Variants in UGGT2 observed in about 807,000 individuals in gnomAD.
UGGT2 encodes UDP-glucose:glycoprotein glucosyltransferase 2.
A neutral mutation model predicts 192.1 loss-of-function variants in UGGT2; 180 were observed. The observed-to-expected ratio is 0.94, with a 90% CI of 0.83 to 1.06. The LOEUF (loss-of-function observed/expected upper bound fraction) is 1.06, where lower values mean the gene tolerates loss of function less well. Among genes scored for constraint, UGGT2 ranks in the 50% least tolerant of loss-of-function variants. The pLI is 0.00. For synonymous variants in UGGT2, 580 were observed against 591.0 expected (o/e 0.98, Z 0.27); for missense variants, 1,849 against 1,795.7 (o/e 1.03, Z -0.54).
intron 20 of UGGT2, among the ~76,000 whole-genome samples, chr13:95,905,143 G>T (rs993404390): frequency 1.0e-4 from 15 of 146,362 alleles, no homozygotes; most frequent in African/African-American, 3.2e-4. Flanking sequence ...TGATGGGGTT[G>T]TTTGTTTTTT....
intron 20 of UGGT2, among the ~76,000 whole-genome samples, chr13:95,925,115 G>C (rs181081435): frequency 4.3e-4 from 66 of 152,134 alleles, no homozygotes; most frequent in African/African-American, 1.4e-3. Flanking sequence ...TTTTTATCTA[G>C]ATAAACTTAT....
intron 38 of UGGT2, among the ~76,000 whole-genome samples, chr13:95,802,510 C>T (rs771266982): frequency 6.6e-6 from 1 of 152,060 alleles, no homozygotes; most frequent in Non-Finnish European, 1.5e-5. Context: ...ATAATGAGAA[C>T]GAGGGAAGTG....
At chr13:95,905,824 T>A (rs2048272000) in intron 20 of UGGT2, among the ~76,000 whole-genome samples, 1 of 152,212 alleles carries the variant, frequency 6.6e-6, no homozygotes, top group Non-Finnish European at 1.5e-5. Context: ...ACATTATCTT[T>A]AAGAAGATTT....
At chr13:96,000,984 T>C (rs545463418) in intron 5 of UGGT2, among the ~76,000 whole-genome samples, 9 of 152,332 alleles carry the variant, frequency 5.9e-5, no homozygotes, top group African/African-American at 2.2e-4. Context: ...ATAGTTATTT[T>C]GAACATAAAA....
At chr13:95,835,700 C>A (rs910429651) in intron 37 of UGGT2, among the ~76,000 whole-genome samples, 2 of 152,138 alleles carry the variant, frequency 1.3e-5, no homozygotes, top group East Asian at 3.9e-4. Context: ...CAATTTTCTA[C>A]ACTTAGCACA....
chr13:95,899,992 C>T (rs1206738625), intron 22 of UGGT2, among the ~76,000 whole-genome samples: 2 of 152,154 alleles, frequency 1.3e-5, no homozygotes, highest in South Asian at 2.1e-4. Context: ...GCCACAGATA[C>T]GTGAAAAACA....
chr13:95,861,605 T>C (rs1376464627), intron 31 of UGGT2, among the ~76,000 whole-genome samples: 1 of 152,176 alleles, frequency 6.6e-6, no homozygotes, highest in African/African-American at 2.4e-5. Context: ...ATTTACAGTA[T>C]TCATAATGTA....
At chr13:96,011,867 A>G (rs1594569633) in intron 5 of UGGT2, among the ~76,000 whole-genome samples, 1 of 152,126 alleles carries the variant, frequency 6.6e-6, no homozygotes, top group East Asian at 1.9e-4. Flanking sequence ...AGCTCAATAT[A>G]TATGAAGAAA....
At chr13:95,947,889 A>T in intron 14 of UGGT2, 107 bp downstream of exon 14, 1 of 807,810 alleles carries the variant, frequency 1.2e-6, no homozygotes, top group Non-Finnish European at 2.0e-6. Context: ...GTCAGGCACT[A>T]GAGCTAACCA....
intron 7 of UGGT2, chr13:95,995,211 C>T (rs2051580701): frequency 1.3e-5 from 2 of 151,790 alleles, no homozygotes; most frequent in African/African-American, 2.4e-5. Context: ...CAAATGAGCA[C>T]AAGTTAGGAA....
chr13:95,953,015 T>C (rs1243148503), intron 12 of UGGT2, among the ~76,000 whole-genome samples: 1 of 152,228 alleles, frequency 6.6e-6, no homozygotes, highest in Non-Finnish European at 1.5e-5. Flanking sequence ...ACTTTAAGTT[T>C]TTTAAATTTT....
chr13:95,877,721 C>T lies in UGGT2; in HGVS notation c.3364G>A (p.Asp1122Asn). The T allele has an allele frequency of 6.2e-7, 1 of 1,613,840 alleles. No homozygotes were observed. The highest frequency in any genetic ancestry group is 2.2e-5 in the East Asian group (1 of 44,832). Reference protein sequence around the residue: ...LGTKNKPAVVDTIVMAHHGYF... With the variant: ...LGTKNKPAVVNTIVMAHHGYF... ...ACATGATGTGCCATCACTATTGTAT[C>T]AACCACAGCAGGTTTATTTTTTGTG... Residue 1122 changes from aspartate (D) to asparagine (N), a missense_variant, in exon 28 of 39, where the codon GAT (aspartate) becomes AAT (asparagine). Transcript: ENST00000376747.
At chr13:95,956,045 G>A (rs778803426) in intron 12 of UGGT2, among the ~76,000 whole-genome samples, 2 of 152,140 alleles carry the variant, frequency 1.3e-5, no homozygotes, top group African/African-American at 2.4e-5. Context: ...TTAAGCCACT[G>A]TTGTTAGTAA....
intron 38 of UGGT2, among the ~76,000 whole-genome samples, chr13:95,812,080 T>C (rs1451859205): frequency 6.6e-6 from 1 of 152,056 alleles, no homozygotes; most frequent in Non-Finnish European, 1.5e-5. Flanking sequence ...AGACAGATAA[T>C]AAATATTTTT....
intron 19 of UGGT2, among the ~76,000 whole-genome samples, chr13:95,926,281 T>C (rs991593243): frequency 1.3e-5 from 2 of 152,140 alleles, no homozygotes; most frequent in Non-Finnish European, 2.9e-5. Flanking sequence ...ATCTACAGCA[T>C]TTACAAGAAC....
At chr13:95,807,716 C>CTTTT in intron 38 of UGGT2, among the ~76,000 whole-genome samples, 2,332 of 78,612 alleles carry the variant, frequency 0.03, 273 homozygotes, top group African/African-American at 0.11. Flanking sequence ...CAGCCCTCAC[C>CTTTT]TTTTTTTTTT....
intron 38 of UGGT2, among the ~76,000 whole-genome samples, chr13:95,830,752 A>G (rs1249007486): frequency 1.3e-5 from 2 of 152,304 alleles, no homozygotes; most frequent in Non-Finnish European, 1.5e-5. Flanking sequence ...TAGAAATACC[A>G]TTTGACCCAG....
chr13:95,976,503 G>T (rs2050941966), intron 10 of UGGT2, among the ~76,000 whole-genome samples: 1 of 152,006 alleles, frequency 6.6e-6, no homozygotes, highest in Non-Finnish European at 1.5e-5. Flanking sequence ...CTATACTACT[G>T]TTTTCCATTG....
At chr13:95,866,654 T>C (rs1021680209) in intron 30 of UGGT2, among the ~76,000 whole-genome samples, 33 of 152,116 alleles carry the variant, frequency 2.2e-4, no homozygotes, top group African/African-American at 7.5e-4. Flanking sequence ...GGTCTTCTAA[T>C]AGATTATTTT....
Sources: allele counts gnomAD v4.1 joint callset (sites outside exome capture counted in the v4.1 genomes callset), GRCh38; gene constraint gnomAD v4.1.1; transcripts MANE v1.5; gene names NCBI Gene and HGNC (gene_info 2026-07-23, HGNC 2026-07-21).